Variants in CSMD1 observed in about 807,000 individuals in gnomAD.
CSMD1 encodes the protein CUB and Sushi multiple domains 1.
A neutral mutation model predicts 417.5 loss-of-function variants in CSMD1; 213 were observed. The observed-to-expected ratio is 0.51, with a 90% CI of 0.46 to 0.57. CSMD1 has a LOEUF of 0.57. Among genes scored for constraint, CSMD1 ranks in the 20% least tolerant of loss-of-function variants. The pLI is 0.00. For missense variants in CSMD1, 6,923 were observed against 4,529.7 expected, an observed-to-expected ratio of 1.53 and a Z score of -15.17; for synonymous variants, 2,862 against 1,736.8, an observed-to-expected ratio of 1.65 and a Z score of -16.11.
At chr8:3,579,736 A>T (rs1800301727) in intron 9 of CSMD1, among the ~76,000 whole-genome samples, 1 of 152,230 alleles carries the variant, frequency 6.6e-6, no homozygotes, top group Admixed American at 6.5e-5. Flanking sequence ...TAATTAGAAT[A>T]ATCATAACTC....
intron 2 of CSMD1, among the ~76,000 whole-genome samples, chr8:4,635,495 G>C (rs993468677): frequency 6.6e-6 from 1 of 151,960 alleles, no homozygotes. Context: ...GAAAGAACTA[G>C]AGTAAATAAA....
intron 3 of CSMD1, among the ~76,000 whole-genome samples, chr8:4,063,984 A>T (rs1405982426): frequency 6.6e-6 from 1 of 152,122 alleles, no homozygotes; most frequent in African/African-American, 2.4e-5. Context: ...GTGTGTTGGG[A>T]AAATGGGGAA....
At chr8:3,628,245 G>C (rs1332333853) in intron 7 of CSMD1, among the ~76,000 whole-genome samples, 4 of 152,196 alleles carry the variant, frequency 2.6e-5, no homozygotes, top group South Asian at 2.1e-4. Flanking sequence ...TCTACAATGA[G>C]AATAGTTCTT....
chr8:4,720,666 C>A (rs969429717), intron 1 of CSMD1, among the ~76,000 whole-genome samples: 1 of 152,188 alleles, frequency 6.6e-6, no homozygotes, highest in Non-Finnish European at 1.5e-5. Flanking sequence ...GATTGATCCA[C>A]CTGCCTTGGC....
chr8:4,711,310 C>A (rs1808280658), intron 1 of CSMD1, among the ~76,000 whole-genome samples: 1 of 152,048 alleles, frequency 6.6e-6, no homozygotes, highest in Admixed American at 6.5e-5. Flanking sequence ...ATCCAATAAA[C>A]TGAAGGGCAA....
chr8:3,978,623 G>T (rs1229235551), intron 5 of CSMD1, among the ~76,000 whole-genome samples: 12 of 152,054 alleles, frequency 7.9e-5, no homozygotes, highest in African/African-American at 2.9e-4. Flanking sequence ...GGAAGGAAAC[G>T]TCTCGTCGCT....
intron 3 of CSMD1, among the ~76,000 whole-genome samples, chr8:4,359,240 T>C (rs1801613848): frequency 6.6e-6 from 1 of 152,194 alleles, no homozygotes; most frequent in African/African-American, 2.4e-5. Context: ...TCCCTCCTTC[T>C]GAGATTACTT....
intron 5 of CSMD1, among the ~76,000 whole-genome samples, chr8:3,926,039 A>ACG (rs753201101): frequency 9.5e-6 from 1 of 105,442 alleles, no homozygotes; most frequent in African/African-American, 3.8e-5. Context: ...ACACACACAC[A>ACG]CACAAACACC....
intron 1 of CSMD1, among the ~76,000 whole-genome samples, chr8:4,893,493 T>C (rs1804267857): frequency 6.6e-6 from 1 of 152,154 alleles, no homozygotes. Context: ...AATTAATGTA[T>C]TATAAAAATG....
intron 10 of CSMD1, among the ~76,000 whole-genome samples, chr8:3,561,741 C>G (rs549451191): frequency 2.0e-5 from 3 of 151,598 alleles, no homozygotes; most frequent in Non-Finnish European, 2.9e-5. Context: ...ATCCATGTGA[C>G]AAAACTGGAC....
chr8:3,023,380 T>A (rs554159996), intron 51 of CSMD1, among the ~76,000 whole-genome samples: 1 of 152,328 alleles, frequency 6.6e-6, no homozygotes, highest in Non-Finnish European at 1.5e-5. Context: ...TTTTTCTTTT[T>A]AAATATGAAC....
rs147608026 is a variant in CSMD1, at chr8:3,872,578, G to C, written c.819-118536C>G. On this transcript the variant is annotated intron_variant, in intron 5 of 69. Coordinates refer to ENST00000635120, the MANE Select transcript of CSMD1 (RefSeq NM_033225.6). ...GAGGTTGTCTGTTTCAGAATTGCTT[G>C]ATAGAGTTCAGTAAAAAGGCATTCA... Among the ~76,000 whole-genome samples the C allele has an allele frequency of 8.7e-4, 133 of 152,272 alleles. 2 individuals carry two copies. In the East Asian group the frequency reaches 0.023, roughly 27 times the overall value.
chr8:4,854,874 C>T (rs35421231), intron 1 of CSMD1, among the ~76,000 whole-genome samples: 40,622 of 152,152 alleles, frequency 0.27, 6,071 homozygotes, highest in Non-Finnish European at 0.35. Flanking sequence ...CTTAGGTAAA[C>T]AAAGCAGCCA....
intron 3 of CSMD1, among the ~76,000 whole-genome samples, chr8:4,074,329 T>C (rs2130789668): frequency 6.6e-6 from 1 of 152,198 alleles, no homozygotes; most frequent in Non-Finnish European, 1.5e-5. Flanking sequence ...ATTAACAGTA[T>C]TTGGCATCTG....
intron 5 of CSMD1, among the ~76,000 whole-genome samples, chr8:3,840,316 C>T (rs1423166036): frequency 6.6e-6 from 1 of 152,156 alleles, no homozygotes; most frequent in Non-Finnish European, 1.5e-5. Flanking sequence ...TGCCAACTAG[C>T]ATCTCGCTGT....
At chr8:4,564,826 G>A (rs1798514153) in intron 2 of CSMD1, among the ~76,000 whole-genome samples, 1 of 152,194 alleles carries the variant, frequency 6.6e-6, no homozygotes, top group African/African-American at 2.4e-5. Context: ...TTCACTCACT[G>A]TGGGATGCGT....
intron 3 of CSMD1, among the ~76,000 whole-genome samples, chr8:4,041,317 G>A (rs191005592): frequency 1.0e-3 from 154 of 152,170 alleles, no homozygotes; most frequent in African/African-American, 3.4e-3. Context: ...GCGCCTGGCC[G>A]GGCCTTTGCC....
At chr8:3,423,694 T>C (rs897859809) in intron 12 of CSMD1, among the ~76,000 whole-genome samples, 2 of 152,238 alleles carry the variant, frequency 1.3e-5, no homozygotes, top group African/African-American at 2.4e-5. Context: ...GTCTTACGAA[T>C]GTTCCATCCC....
intron 42 of CSMD1, among the ~76,000 whole-genome samples, chr8:3,117,002 TA>T (rs1332666270): frequency 6.6e-6 from 1 of 152,162 alleles, no homozygotes; most frequent in Non-Finnish European, 1.5e-5. Context: ...TGTAATTAAA[TA>T]AATATTAGAT....
Sources: allele counts gnomAD v4.1 joint callset (sites outside exome capture counted in the v4.1 genomes callset), GRCh38; gene constraint gnomAD v4.1.1; transcripts MANE v1.5; gene names NCBI Gene and HGNC (gene_info 2026-07-23, HGNC 2026-07-21).